SLC22A24: variants seen among roughly 807,000 people sequenced by gnomAD.
SLC22A24 encodes the protein steroid transmembrane transporter SLC22A24.
In SLC22A24, 53 loss-of-function variants were observed where a neutral mutation model predicts 49.8. The ratio of observed to expected loss-of-function variants is 1.06; its 90% CI spans 0.85 to 1.34. The LOEUF (loss-of-function observed/expected upper bound fraction) is 1.34, where lower values mean the gene tolerates loss of function less well. Ranked by LOEUF, SLC22A24 falls within the 40% of genes most tolerant of loss-of-function variation. The pLI is 0.00. For synonymous variants in SLC22A24, 302 were observed against 256.4 expected (o/e 1.18, Z -1.70); for missense variants, 786 against 675.9 (o/e 1.16, Z -1.81).
intron 2 of SLC22A24, among the ~76,000 whole-genome samples, chr11:63,126,725 A>T (rs2087293576): frequency 6.6e-6 from 1 of 152,216 alleles, no homozygotes; most frequent in African/African-American, 2.4e-5. Context: ...TGGGGATAGC[A>T]TTGAATGTAT....
chr11:63,104,073 C>A, intron 5 of SLC22A24, 102 bp downstream of exon 5: 1 of 1,205,974 alleles, frequency 8.3e-7, no homozygotes, highest in South Asian at 1.5e-5. Flanking sequence ...TAAGACTCCA[C>A]TCACAGAAGT....
intron 2 of SLC22A24, among the ~76,000 whole-genome samples, chr11:63,122,025 G>A (rs898450841): frequency 6.6e-6 from 1 of 152,294 alleles, no homozygotes; most frequent in Non-Finnish European, 1.5e-5. Flanking sequence ...AAGAGGCCTT[G>A]CCCAAATTAA....
Position 63,081,606 on chromosome 11 carries a change from C to A in SLC22A24, c.1346G>T (p.Ser449Ile), listed in dbSNP as rs757310345. Residue 449 changes from serine to isoleucine, a missense_variant, in exon 8 of 10, where the codon AGC (serine) becomes ATC (isoleucine). By Grantham distance (142) the Ser-to-Ile change is moderately radical. Coordinates refer to ENST00000612278, the MANE Select transcript of SLC22A24 (RefSeq NM_001136506.2). ...GTTGTGGTGGACAGAAGCACTGTTG[C>A]TAGCAGCAGAAACACTACCAATTCC... is the stretch of plus-strand genomic sequence containing the variant. ...TLGIGSVSAA[S>I]NSASVHHNEL... 33 of 1,551,460 alleles carry A rather than the reference C, an allele frequency of 2.1e-5. No individual in the cohort carries two copies. The highest frequency in any genetic ancestry group is 1.4e-5 in the African/African-American group (1 of 73,024).
At chr11:63,114,776 T>A (rs2134662968) in intron 4 of SLC22A24, among the ~76,000 whole-genome samples, 1 of 152,316 alleles carries the variant, frequency 6.6e-6, no homozygotes, top group Non-Finnish European at 1.5e-5. Context: ...GTGATGCTAT[T>A]CCTTTCTGTT....
intron 2 of SLC22A24, among the ~76,000 whole-genome samples, chr11:63,132,116 G>C (rs1263191325): frequency 1.3e-5 from 2 of 152,114 alleles, no homozygotes; most frequent in African/African-American, 4.8e-5. Context: ...TCATGCTGTG[G>C]TTTTCAGCTC....
intron 4 of SLC22A24, among the ~76,000 whole-genome samples, chr11:63,111,721 C>T (rs1324033051): frequency 6.6e-6 from 1 of 151,920 alleles, no homozygotes; most frequent in Non-Finnish European, 1.5e-5. Flanking sequence ...TTTATTGTGT[C>T]TATTTGATTC....
At chr11:63,142,453 A>G (rs1265003258) in intron 1 of SLC22A24, among the ~76,000 whole-genome samples, 2 of 152,200 alleles carry the variant, frequency 1.3e-5, no homozygotes, top group Non-Finnish European at 2.9e-5. Context: ...ATTCCTGGGC[A>G]TAGGCTGAAC....
At chr11:63,134,373 C>G (rs998260298) in intron 2 of SLC22A24, among the ~76,000 whole-genome samples, 4 of 152,180 alleles carry the variant, frequency 2.6e-5, no homozygotes, top group African/African-American at 9.7e-5. Flanking sequence ...AAGTAAACCT[C>G]AAATCCTGTA....
chr11:63,086,305 A>G (rs2086986610), intron 6 of SLC22A24, among the ~76,000 whole-genome samples: 1 of 152,190 alleles, frequency 6.6e-6, no homozygotes, highest in Non-Finnish European at 1.5e-5. Context: ...TCAATGGTAG[A>G]CTGGATAAAG....
intron 2 of SLC22A24, among the ~76,000 whole-genome samples, chr11:63,132,434 C>A (rs1349235805): frequency 6.6e-6 from 1 of 152,142 alleles, no homozygotes; most frequent in African/African-American, 2.4e-5. Context: ...TACCTTTGGT[C>A]TTTGATGTTG....
chr11:63,119,695 T>C (rs1410696144), intron 2 of SLC22A24, among the ~76,000 whole-genome samples: 1 of 152,158 alleles, frequency 6.6e-6, no homozygotes, highest in Admixed American at 6.5e-5. Flanking sequence ...TTTAGAGCAC[T>C]GAGGAGGGAA....
chr11:63,088,906 T>A (rs2087002782), intron 6 of SLC22A24, among the ~76,000 whole-genome samples: 1 of 151,900 alleles, frequency 6.6e-6, no homozygotes, highest in South Asian at 2.1e-4. Context: ...GAACAAAGCC[T>A]CCAAGAAACA....
intron 9 of SLC22A24, 102 bp downstream of exon 9, chr11:63,080,818 C>T (rs1785443695): frequency 1.0e-6 from 1 of 979,166 alleles, no homozygotes; most frequent in Non-Finnish European, 1.5e-6. Context: ...TCTGAGCCTA[C>T]ATGAAGGACA....
intron 2 of SLC22A24, among the ~76,000 whole-genome samples, chr11:63,124,946 A>T (rs1008181587): frequency 6.7e-6 from 1 of 148,718 alleles, no homozygotes; most frequent in African/African-American, 2.5e-5. Context: ...CACTCTGGGG[A>T]CTGTTGCGGG....
At position 63,110,956 on chromosome 11, in the gene SLC22A24, G is replaced by C. The variant is rs968874808; in HGVS notation, c.831-6658C>G. ...TTCAAAGGGAATGCTTCCAGTTTTT[G>C]CCCACTCAGTATGATATTGGCTGTG... is the stretch of plus-strand genomic sequence containing the variant. On this transcript the variant is annotated intron_variant, in intron 4 of 9. Coordinates refer to ENST00000612278, the MANE Select transcript of SLC22A24 (RefSeq NM_001136506.2). 1.3e-3 allele frequency among the ~76,000 whole-genome samples: 196 copies of C among 152,000 alleles called. 1 individual carries two copies. Among genetic ancestry groups the C allele is most frequent in the Non-Finnish European group, 1.7e-3 (115 of 67,974 alleles).
At chr11:63,106,163 T>C (rs1230360104) in intron 4 of SLC22A24, among the ~76,000 whole-genome samples, 2 of 147,732 alleles carry the variant, frequency 1.4e-5, no homozygotes, top group African/African-American at 5.0e-5. Context: ...TTCCCACCTA[T>C]GAGTGAGAAC....
chr11:63,140,414 A>G (rs2087407623), intron 1 of SLC22A24, among the ~76,000 whole-genome samples: 1 of 152,200 alleles, frequency 6.6e-6, no homozygotes, highest in Admixed American at 6.5e-5. Flanking sequence ...GGTAAAACAA[A>G]GTGTCTTGAA....
At chr11:63,104,048 A>C in intron 5 of SLC22A24, 127 bp downstream of exon 5, 1 of 838,652 alleles carries the variant, frequency 1.2e-6, no homozygotes, top group South Asian at 2.1e-5. Flanking sequence ...TATATATTTT[A>C]TCAGGACAGA....
chr11:63,122,575 T>C (rs746813654), intron 2 of SLC22A24, among the ~76,000 whole-genome samples: 15 of 152,110 alleles, frequency 9.9e-5, no homozygotes, highest in Non-Finnish European at 2.1e-4. Context: ...AGTGCGGTGG[T>C]GCCATCTCGG....
Sources: allele counts gnomAD v4.1 joint callset (sites outside exome capture counted in the v4.1 genomes callset), GRCh38; gene constraint gnomAD v4.1.1; transcripts MANE v1.5; gene names NCBI Gene and HGNC (gene_info 2026-07-23, HGNC 2026-07-21).